LOC400499: variants seen among roughly 807,000 people sequenced by gnomAD.
At chr16:11,441,916 T>G in the LOC400499 span, among the ~76,000 whole-genome samples, 5 of 152,334 alleles carry the variant, frequency 3.3e-5, no homozygotes, top group East Asian at 9.6e-4. Flanking sequence ...CTGTGGCGTT[T>G]TAAACCACTA....
chr16:11,505,614 T>C, the LOC400499 span, among the ~76,000 whole-genome samples: 9 of 151,750 alleles, frequency 5.9e-5, no homozygotes, highest in African/African-American at 2.2e-4. Context: ...CCACCATGCT[T>C]GGCTTATTTT....
chr16:11,492,644 G>A, the LOC400499 span, among the ~76,000 whole-genome samples: 1 of 152,070 alleles, frequency 6.6e-6, no homozygotes, highest in African/African-American at 2.4e-5. Flanking sequence ...AATTAGCCGG[G>A]CGTGGTGGCG....
At chr16:11,372,739 C>T in the LOC400499 span, 1 of 984,154 alleles carries the variant, frequency 1.0e-6, no homozygotes, top group Non-Finnish European at 1.2e-6. Context: ...AAATCTCAAA[C>T]TGTAAAGGAG....
the LOC400499 span, chr16:11,399,509 C>G: frequency 2.5e-6 from 1 of 398,798 alleles, no homozygotes; most frequent in Non-Finnish European, 4.4e-6. Context: ...GTGCTGGCCC[C>G]AGGACACGTT....
At chr16:11,514,553 G>T in the LOC400499 span, 1 of 400,156 alleles carries the variant, frequency 2.5e-6, no homozygotes, top group Non-Finnish European at 4.4e-6. Flanking sequence ...CGGACCAAGA[G>T]GGGAAGGGAC....
the LOC400499 span, among the ~76,000 whole-genome samples, chr16:11,498,614 G>A: frequency 6.7e-6 from 1 of 149,508 alleles, no homozygotes; most frequent in African/African-American, 2.5e-5. Context: ...CAGGCTTCAC[G>A]AACCCGGTGC....
At chr16:11,443,565 C>T in the LOC400499 span, 5 of 316,758 alleles carry the variant, frequency 1.6e-5, no homozygotes, top group East Asian at 9.5e-5. Flanking sequence ...CTGAAAAATA[C>T]GATGCTCTCC....
At chr16:11,515,591 G>A in the LOC400499 span, among the ~76,000 whole-genome samples, 1 of 151,742 alleles carries the variant, frequency 6.6e-6, no homozygotes, top group African/African-American at 2.4e-5. Flanking sequence ...AAGGGGAAGG[G>A]AGGAGAGGAG....
the LOC400499 span, among the ~76,000 whole-genome samples, chr16:11,498,664 A>G: frequency 2.6e-5 from 4 of 151,336 alleles, no homozygotes; most frequent in Non-Finnish European, 5.9e-5. Context: ...GGCCTTGCTG[A>G]CTCGATGACA....
the LOC400499 span, among the ~76,000 whole-genome samples, chr16:11,491,163 G>T: frequency 1.3e-5 from 2 of 152,318 alleles, no homozygotes; most frequent in African/African-American, 4.8e-5. Context: ...GGAAGGAAGA[G>T]GTGAAGCTGG....
chr16:11,523,562 A>G, the LOC400499 span: 1 of 397,568 alleles, frequency 2.5e-6, no homozygotes, highest in Non-Finnish European at 4.4e-6. Flanking sequence ...TTACTCTGGG[A>G]AGAAGATGAG....
the LOC400499 span, chr16:11,493,714 A>T: frequency 2.5e-6 from 1 of 396,850 alleles, no homozygotes; most frequent in Non-Finnish European, 4.4e-6. Context: ...GCTGCTTCTC[A>T]GAGATGCACA....
At chr16:11,499,884 G>A in the LOC400499 span, among the ~76,000 whole-genome samples, 1 of 152,154 alleles carries the variant, frequency 6.6e-6, no homozygotes, top group African/African-American at 2.4e-5. Flanking sequence ...TGAGGTGAAG[G>A]GCAGAGCAGC....
the LOC400499 span, chr16:11,476,792 C>T: frequency 7.8e-5 from 31 of 399,194 alleles, no homozygotes; most frequent in East Asian, 1.1e-3. Flanking sequence ...ACGGCCTCCT[C>T]AGGCGTGTTC....
At chr16:11,412,018 A>C in the LOC400499 span, among the ~76,000 whole-genome samples, 1 of 151,936 alleles carries the variant, frequency 6.6e-6, no homozygotes, top group South Asian at 2.1e-4. Flanking sequence ...ATGCGTCACC[A>C]TACCAGGCTC....
chr16:11,396,131 A>G, the LOC400499 span, among the ~76,000 whole-genome samples: 1 of 152,216 alleles, frequency 6.6e-6, no homozygotes, highest in African/African-American at 2.4e-5. Context: ...AACCCTTGCA[A>G]TATTAACCCC....
chr16:11,523,051 G>A, the LOC400499 span, among the ~76,000 whole-genome samples: 9 of 152,298 alleles, frequency 5.9e-5, no homozygotes, highest in African/African-American at 1.9e-4. Context: ...ATATTCCTAA[G>A]ATGCTTCTCT....
At chr16:11,488,771 C>T in the LOC400499 span, 1 of 399,010 alleles carries the variant, frequency 2.5e-6, no homozygotes, top group Non-Finnish European at 4.4e-6. Flanking sequence ...GAACTCCTGG[C>T]TGAGGATGTC....
the LOC400499 span, chr16:11,390,496 C>T: frequency 4.9e-6 from 6 of 1,233,604 alleles, no homozygotes; most frequent in Admixed American, 2.5e-4. Flanking sequence ...ACCATGAGAC[C>T]TCAGGGCAGG....
Sources: gnomAD v4.1 joint callset for allele counts (sites outside exome capture counted in the v4.1 genomes callset) on GRCh38, gnomAD v4.1.1 for gene constraint, MANE v1.5 for transcripts.